Variants in DZIP3 observed in about 807,000 individuals in gnomAD.
The protein encoded by DZIP3 is DAZ interacting zinc finger protein 3.
Under a neutral mutation model 162.0 loss-of-function variants are expected in DZIP3, and 118 were observed. That is an observed-to-expected ratio of 0.73 (90% confidence interval 0.63 to 0.85). DZIP3 has a LOEUF of 0.85. Ranked by LOEUF, DZIP3 falls within the 40% of genes least tolerant of loss-of-function variation. DZIP3 has a pLI of 0.00. For missense variants in DZIP3, 1,331 were observed against 1,407.0 expected (o/e 0.95, Z 0.86); for synonymous variants, 438 against 458.6 (o/e 0.96, Z 0.57).
chr3:108,638,861 T>C (rs1243181164), intron 12 of DZIP3, among the ~76,000 whole-genome samples: 3 of 152,176 alleles, frequency 2.0e-5, no homozygotes, highest in Non-Finnish European at 4.4e-5. Context: ...GCTCTTAAAA[T>C]AAAGTTCAGA....
intron 6 of DZIP3, among the ~76,000 whole-genome samples, chr3:108,625,295 A>T (rs1941541861): frequency 6.6e-6 from 1 of 152,240 alleles, no homozygotes; most frequent in African/African-American, 2.4e-5. Context: ...TCTATGGGCA[A>T]CAAATCACTT....
At chr3:108,669,922 A>T (rs1943863515) in intron 22 of DZIP3, among the ~76,000 whole-genome samples, 173 bp downstream of exon 22, 2 of 151,892 alleles carry the variant, frequency 1.3e-5, no homozygotes, top group East Asian at 3.9e-4. Flanking sequence ...GGAGTATCTT[A>T]GGCAAATAGG....
chr3:108,673,041 T>TA (rs1943980845), intron 23 of DZIP3, among the ~76,000 whole-genome samples: 1 of 152,004 alleles, frequency 6.6e-6, no homozygotes, highest in Non-Finnish European at 1.5e-5. Flanking sequence ...CAAAAATACT[T>TA]ACACATCATA....
chr3:108,590,906 A>G (rs1303264935), intron 1 of DZIP3, among the ~76,000 whole-genome samples: 3 of 152,234 alleles, frequency 2.0e-5, no homozygotes, highest in East Asian at 3.8e-4. Flanking sequence ...TCTAGACACA[A>G]TAGACTCAGT....
intron 19 of DZIP3, among the ~76,000 whole-genome samples, chr3:108,656,692 C>T (rs1029723029): frequency 3.9e-5 from 6 of 152,036 alleles, no homozygotes; most frequent in South Asian, 2.1e-4. Flanking sequence ...CAAACTACTC[C>T]GAGCTAAAGG....
intron 25 of DZIP3, among the ~76,000 whole-genome samples, chr3:108,677,290 C>T (rs765074406): frequency 5.3e-5 from 8 of 151,164 alleles, no homozygotes; most frequent in Non-Finnish European, 8.8e-5. Flanking sequence ...TAACCAATAA[C>T]GACTCCTAAA....
intron 18 of DZIP3, 95 bp downstream of exon 18, chr3:108,651,257 T>C: frequency 9.9e-6 from 4 of 404,044 alleles, no homozygotes; most frequent in Non-Finnish European, 1.1e-5. Flanking sequence ...TGGGAAGTTT[T>C]CTCACTAAGA....
intron 7 of DZIP3, among the ~76,000 whole-genome samples, chr3:108,627,118 T>G (rs1941623672): frequency 6.6e-6 from 1 of 152,242 alleles, no homozygotes. Context: ...CTTTGTAGAA[T>G]GTCAAAATGA....
intron 21 of DZIP3, among the ~76,000 whole-genome samples, chr3:108,666,769 C>T (rs187745292): frequency 6.8e-4 from 103 of 152,252 alleles, no homozygotes; most frequent in Non-Finnish European, 1.1e-3. Context: ...GGCCTGGAAA[C>T]TATGCAACCC....
chr3:108,604,003 G>T (rs545286864), intron 1 of DZIP3, among the ~76,000 whole-genome samples: 1 of 152,190 alleles, frequency 6.6e-6, no homozygotes, highest in African/African-American at 2.4e-5. Flanking sequence ...GGAGGGGCAG[G>T]ATATCATTAA....
Position 108,684,237 on chromosome 3 carries a change from C to A in DZIP3, c.2905C>A (p.Pro969Thr), listed in dbSNP as rs1287878330. ...TTAGATGCAGCAGTTCTTAGGAAGA[C>A]CTCTTGTGAAAGAATCTTTCTTTAG... ...EILMQQFLGRPLVKESFFRPI... is the reference protein window; with the variant it reads ...EILMQQFLGRTLVKESFFRPI... The change falls in exon 27 of 33, where the codon CCT (proline) becomes ACT (threonine). Residue 969 changes from proline (P) to threonine (T), a missense_variant. Physicochemically the swap from Pro to Thr is conservative, Grantham distance 38. Coordinates refer to ENST00000361582, the MANE Select transcript of DZIP3 (RefSeq NM_014648.4). 1.9e-6 allele frequency: 3 copies of A among 1,610,940 alleles called. No homozygotes were observed. Among genetic ancestry groups the A allele is most frequent in the East Asian group, 2.2e-5 (1 of 44,730 alleles).
At chr3:108,658,071 G>C (rs530275179) in intron 19 of DZIP3, among the ~76,000 whole-genome samples, 87 of 148,678 alleles carry the variant, frequency 5.9e-4, no homozygotes, top group African/African-American at 2.0e-3. Flanking sequence ...GTCAACATTA[G>C]ACAGATCAAT....
At chr3:108,648,994 T>A in intron 17 of DZIP3, 32 bp downstream of exon 17, 1 of 1,075,254 alleles carries the variant, frequency 9.3e-7, no homozygotes. Flanking sequence ...ATAATACTGA[T>A]TATGAACACT....
intron 1 of DZIP3, among the ~76,000 whole-genome samples, chr3:108,590,996 A>G (rs1316268389): frequency 6.6e-6 from 1 of 152,276 alleles, no homozygotes; most frequent in Non-Finnish European, 1.5e-5. Flanking sequence ...ATAAGTAAGG[A>G]AAATGATATA....
intron 5 of DZIP3, among the ~76,000 whole-genome samples, chr3:108,621,711 A>G (rs1172611222): frequency 6.6e-6 from 1 of 152,188 alleles, no homozygotes; most frequent in Non-Finnish European, 1.5e-5. Context: ...GTTCCTCAAA[A>G]AACTGAAAAT....
rs749252598 is a variant in DZIP3 at position 108,684,301 on chromosome 3, C to CG, written c.2972dup (p.Val992SerfsTer9). 3 of 1,612,908 alleles carry CG rather than the reference C, an allele frequency of 1.9e-6. No individual in the cohort carries two copies. Among genetic ancestry groups the CG allele is most frequent in the Non-Finnish European group, 2.5e-6 (3 of 1,179,532 alleles). ...GTTCCTCAAATGCCTGCAGTTTGCC[C>CG]GGGAGTCGTCTCTGCAACTGGCCAA... On this transcript the variant is annotated frameshift_variant, in exon 27 of 33. Coordinates refer to ENST00000361582, the MANE Select transcript of DZIP3 (RefSeq NM_014648.4). LOFTEE classifies it high-confidence loss of function.
chr3:108,654,445 G>C (rs922121112), intron 19 of DZIP3, 135 bp downstream of exon 19: 2 of 966,832 alleles, frequency 2.1e-6, no homozygotes, highest in Non-Finnish European at 3.2e-6. Flanking sequence ...AAGCATAAAA[G>C]GTAAGGAGGG....
chr3:108,619,675 T>C (rs1214802741), intron 5 of DZIP3, among the ~76,000 whole-genome samples: 1 of 152,070 alleles, frequency 6.6e-6, no homozygotes, highest in Non-Finnish European at 1.5e-5. Flanking sequence ...CCCACCTACA[T>C]TGGAGAGGGC....
chr3:108,647,603 A>T (rs1467930403), intron 15 of DZIP3, among the ~76,000 whole-genome samples: 1 of 152,204 alleles, frequency 6.6e-6, no homozygotes, highest in Non-Finnish European at 1.5e-5. Flanking sequence ...TGCTAAAATA[A>T]TACTAGTTGC....
Sources: allele counts gnomAD v4.1 joint callset (sites outside exome capture counted in the v4.1 genomes callset), GRCh38; gene constraint gnomAD v4.1.1; transcripts MANE v1.5; gene names NCBI Gene and HGNC (gene_info 2026-07-23, HGNC 2026-07-21).